The following FOXO1 variants were observed in gnomAD, a reference collection of about 807,000 sequenced individuals.
The protein encoded by FOXO1 is forkhead box protein O1.
A neutral mutation model predicts 44.1 loss-of-function variants in FOXO1; 6 were observed. The observed-to-expected ratio is 0.14, with a 90% CI of 0.07 to 0.27. The LOEUF (loss-of-function observed/expected upper bound fraction) is 0.27, where lower values mean the gene tolerates loss of function less well. Ranked by LOEUF, FOXO1 falls within the 10% of genes least tolerant of loss-of-function variation. The probability of loss-of-function intolerance (pLI) is 1.00; values close to 1 mark genes in which losing one functional copy is unlikely to be tolerated. For synonymous variants in FOXO1, 380 were observed against 362.7 expected, an observed-to-expected ratio of 1.05 and a Z score of -0.54; for missense variants, 737 against 888.8, an observed-to-expected ratio of 0.83 and a Z score of 2.17.
chr13:40,626,804 A>G (rs934900532), intron 1 of FOXO1, among the ~76,000 whole-genome samples: 2 of 152,218 alleles, frequency 1.3e-5, no homozygotes, highest in Non-Finnish European at 2.9e-5. Flanking sequence ...TTAAAGCTAG[A>G]GAACAAACAT....
At chr13:40,656,793 C>T (rs979601508) in intron 1 of FOXO1, among the ~76,000 whole-genome samples, 3 of 152,040 alleles carry the variant, frequency 2.0e-5, no homozygotes, top group Non-Finnish European at 4.4e-5. Context: ...CTATACTTTT[C>T]AAACTGTTTG....
rs1224298460 is a variant in FOXO1, at chr13:40,559,977, G to A, written c.1514C>T (p.Ser505Leu). 31 of 1,614,056 alleles carry A rather than the reference G, an allele frequency of 1.9e-5. No homozygotes were observed. Among genetic ancestry groups the A allele is most frequent in the Non-Finnish European group, 2.6e-5 (31 of 1,180,042 alleles). ...NVMMGPNSVM[S>L]TYGSQASHNK... ...ATGAGATGCCTGGCTGCCATAGGTT[G>A]ACATGACCGAATTAGGGCCCATCAT... The change falls in exon 2 of 3, where the codon TCA becomes TTA. Residue 505 changes from serine (S) to leucine (L), a missense_variant. Physicochemically the swap from Ser to Leu is moderately radical, Grantham distance 145 (BLOSUM62 -2). Transcript: ENST00000379561.
intron 1 of FOXO1, among the ~76,000 whole-genome samples, chr13:40,584,299 A>G (rs1194345324): frequency 5.3e-5 from 8 of 151,598 alleles, no homozygotes; most frequent in Non-Finnish European, 1.5e-5. Flanking sequence ...AACTGCCCCC[A>G]CTCACCTACC....
At position 40,666,266 on chromosome 13, in the gene FOXO1, G is replaced by C; in HGVS notation, c.-54C>G. ...GGAGAGCCAAGAGGGGGAGAACGCAGCACTGGGGGCGGACGGGGAGGGGGC... is the reference window on the plus strand; with the variant it reads ...GGAGAGCCAAGAGGGGGAGAACGCACCACTGGGGGCGGACGGGGAGGGGGC... On this transcript the variant is annotated 5_prime_UTR_variant, in exon 1 of 3. Transcript: ENST00000379561. 1 of 1,315,302 alleles carries C rather than the reference G, an allele frequency of 7.6e-7. No individual in the cohort carries two copies. The highest frequency in any genetic ancestry group is 9.7e-7 in the Non-Finnish European group (1 of 1,028,672). The allele number at this position is 1,315,302 out of a possible 1,614,324, so 81.5% of individuals were successfully genotyped here. A position where few individuals can be genotyped will look rare whatever the true frequency, so the allele number is the denominator to read the frequency against.
chr13:40,565,542 C>A (rs902444568), intron 1 of FOXO1, among the ~76,000 whole-genome samples: 6 of 152,086 alleles, frequency 3.9e-5, no homozygotes, highest in African/African-American at 1.4e-4. Flanking sequence ...ATCCCTGGGG[C>A]GGTGGGGGGG....
chr13:40,612,349 C>T (rs937776768), intron 1 of FOXO1, among the ~76,000 whole-genome samples: 1 of 152,172 alleles, frequency 6.6e-6, no homozygotes, highest in African/African-American at 2.4e-5. Context: ...GACAGTATAT[C>T]ACAGACACAG....
chr13:40,581,828 AATG>A (rs1449365043), intron 1 of FOXO1, among the ~76,000 whole-genome samples: 1 of 152,178 alleles, frequency 6.6e-6, no homozygotes, highest in Non-Finnish European at 1.5e-5. Context: ...GTTTACCTTA[AATG>A]ATAACATTTA....
chr13:40,595,969 G>A (rs1200915567), intron 1 of FOXO1, among the ~76,000 whole-genome samples: 1 of 148,408 alleles, frequency 6.7e-6, no homozygotes, highest in Non-Finnish European at 1.5e-5. Context: ...GCGGGAAGGA[G>A]GTAGGAGTCA....
intron 1 of FOXO1, chr13:40,562,766 CA>C (rs1874084833): frequency 6.6e-6 from 1 of 152,314 alleles, no homozygotes; most frequent in Non-Finnish European, 1.5e-5. Context: ...AGCCAGGCTG[CA>C]GATGAGAAAG....
intron 1 of FOXO1, among the ~76,000 whole-genome samples, chr13:40,570,460 T>C (rs1874447019): frequency 6.6e-6 from 1 of 152,148 alleles, no homozygotes; most frequent in African/African-American, 2.4e-5. Flanking sequence ...GGGCCACCAC[T>C]AGCCCACAAG....
intron 1 of FOXO1, among the ~76,000 whole-genome samples, chr13:40,662,530 TACA>T (rs1200331437): frequency 2.6e-5 from 4 of 152,206 alleles, no homozygotes; most frequent in African/African-American, 7.2e-5. Flanking sequence ...TAGCCAATAT[TACA>T]ACAAGTGTAA....
intron 1 of FOXO1, among the ~76,000 whole-genome samples, chr13:40,593,501 A>G (rs1875465175): frequency 6.6e-6 from 1 of 152,194 alleles, no homozygotes; most frequent in Non-Finnish European, 1.5e-5. Context: ...AAACTGCAGC[A>G]AAGAAAAGTT....
intron 1 of FOXO1, among the ~76,000 whole-genome samples, chr13:40,649,678 T>C (rs1179955598): frequency 6.6e-6 from 1 of 152,202 alleles, no homozygotes; most frequent in African/African-American, 2.4e-5. Flanking sequence ...TTCTTAAAAA[T>C]ATAATGTATA....
intron 1 of FOXO1, among the ~76,000 whole-genome samples, chr13:40,660,055 A>G (rs1877988281): frequency 6.6e-6 from 1 of 152,222 alleles, no homozygotes; most frequent in African/African-American, 2.4e-5. Context: ...ATCAAAATAC[A>G]TACTTTTTCA....
At chr13:40,630,746 C>T (rs959372980) in intron 1 of FOXO1, among the ~76,000 whole-genome samples, 1 of 151,936 alleles carries the variant, frequency 6.6e-6, no homozygotes. Context: ...CCTTCCCATA[C>T]TGTGAAGACT....
At chr13:40,655,054 G>A (rs539925470) in intron 1 of FOXO1, among the ~76,000 whole-genome samples, 33 of 152,224 alleles carry the variant, frequency 2.2e-4, no homozygotes, top group Admixed American at 1.3e-3. Context: ...AATAGTGGTC[G>A]GCAGGGCGTG....
chr13:40,616,980 A>G (rs887493460), intron 1 of FOXO1, among the ~76,000 whole-genome samples: 2 of 152,212 alleles, frequency 1.3e-5, no homozygotes, highest in Non-Finnish European at 2.9e-5. Flanking sequence ...TAACATGTGA[A>G]TACATACAAA....
chr13:40,661,256 T>G (rs1330814121), intron 1 of FOXO1, among the ~76,000 whole-genome samples: 1 of 152,062 alleles, frequency 6.6e-6, no homozygotes, highest in Non-Finnish European at 1.5e-5. Flanking sequence ...CCCAAGTACA[T>G]ATACAGGATT....
At chr13:40,564,945 G>GAGTCGGGGAACCCCGCCCGACATGGTGT (rs1874206241) in intron 1 of FOXO1, among the ~76,000 whole-genome samples, 1 of 148,512 alleles carries the variant, frequency 6.7e-6, no homozygotes, top group African/African-American at 2.5e-5. Flanking sequence ...ACAGATGGGG[G>GAGTCGGGGAACCCCGCCCGACATGGTGT]AGTCGGGGAA....
Sources: gnomAD v4.1 joint callset for allele counts (sites outside exome capture counted in the v4.1 genomes callset) on GRCh38, gnomAD v4.1.1 for gene constraint, MANE v1.5 for transcripts, NCBI Gene and HGNC (gene_info 2026-07-23, HGNC 2026-07-21) for gene names.